The following CEP350 variants were observed in gnomAD, a reference collection of about 807,000 sequenced individuals.
CEP350 encodes centrosome-associated protein 350.
In CEP350, 126 loss-of-function variants were observed where a neutral mutation model predicts 331.8. The ratio of observed to expected loss-of-function variants is 0.38; its 90% CI spans 0.33 to 0.44. The LOEUF (loss-of-function observed/expected upper bound fraction) is 0.44, where lower values mean the gene tolerates loss of function less well. Among genes scored for constraint, CEP350 ranks in the 20% least tolerant of loss-of-function variants. CEP350 has a pLI of 1.00. For missense variants in CEP350, 3,406 were observed against 3,634.6 expected (o/e 0.94, Z 1.62); for synonymous variants, 1,200 against 1,259.5 (o/e 0.95, Z 1.00).
intron 1 of CEP350, among the ~76,000 whole-genome samples, chr1:179,961,711 T>C (rs924093886): frequency 1.3e-5 from 2 of 152,198 alleles, no homozygotes; most frequent in Non-Finnish European, 2.9e-5. Flanking sequence ...TAGATTTGGG[T>C]TGTGGGGGAT....
At chr1:179,991,707 G>GTGTGTGTGTATATATA (rs1385981536) in intron 4 of CEP350, among the ~76,000 whole-genome samples, 3 of 96,976 alleles carry the variant, frequency 3.1e-5, no homozygotes, top group Non-Finnish European at 6.1e-5. Flanking sequence ...GTGTGTGTGT[G>GTGTGTGTGTATATATA]TATATATATA....
chr1:180,077,515 A>G (rs1281593627), intron 28 of CEP350, among the ~76,000 whole-genome samples: 2 of 151,912 alleles, frequency 1.3e-5, no homozygotes, highest in Admixed American at 1.3e-4. Flanking sequence ...CTCTACAGAA[A>G]TATTAGCCGG....
intron 15 of CEP350, among the ~76,000 whole-genome samples, chr1:180,031,904 T>G (rs1656048200): frequency 6.6e-6 from 1 of 152,142 alleles, no homozygotes. Flanking sequence ...TACCACAAAC[T>G]ATCTCATTTC....
chr1:179,969,894 A>G (rs1651310115), intron 1 of CEP350, among the ~76,000 whole-genome samples: 1 of 152,226 alleles, frequency 6.6e-6, no homozygotes, highest in Admixed American at 6.5e-5. Flanking sequence ...GTATAAGGGA[A>G]AATTTTATAG....
intron 37 of CEP350, among the ~76,000 whole-genome samples, chr1:180,100,889 C>G (rs1257701205): frequency 1.3e-5 from 2 of 152,170 alleles, no homozygotes; most frequent in Admixed American, 6.5e-5. Flanking sequence ...TCCCATGATA[C>G]AATTACCTCC....
intron 6 of CEP350, chr1:180,000,771 A>G (rs1653810524): frequency 6.6e-6 from 1 of 152,668 alleles, no homozygotes; most frequent in African/African-American, 2.4e-5. Context: ...TTGATTGGTC[A>G]TGAACTTCCT....
chr1:180,026,240 C>G (rs1195606543), intron 14 of CEP350, among the ~76,000 whole-genome samples: 1 of 150,970 alleles, frequency 6.6e-6, no homozygotes, highest in Non-Finnish European at 1.5e-5. Context: ...CATTGCACTC[C>G]AGCCTGGGCG....
chr1:180,053,102 G>C lies in CEP350; in HGVS notation c.4925G>C (p.Arg1642Thr). The C allele has an allele frequency of 1.2e-6, 2 of 1,609,176 alleles. No homozygotes were observed. The highest frequency in any genetic ancestry group is 4.5e-5 in the East Asian group (2 of 44,598). ...SHRRFNMEKR[R>T]GHHDDSDEEA... ...CGCAGATTTAACATGGAAAAGAGAA[G>C]AGGTCATCATGATGACTCTGATGAA... Residue 1642 changes from arginine (R) to threonine (T), a missense_variant, in exon 23 of 38, where the codon AGA becomes ACA. Transcript: ENST00000367607.
chr1:180,052,359 TATC>T (rs1657564401), intron 22 of CEP350: 1 of 360,386 alleles, frequency 2.8e-6, no homozygotes, highest in East Asian at 8.2e-5. Context: ...GGTTTCTAAA[TATC>T]ATTCTTTAAT....
chr1:180,112,349 G>A lies in CEP350; in HGVS notation c.*1188G>A, dbSNP rs1262829459. 1 of 152,554 alleles carries A rather than the reference G, an allele frequency of 6.6e-6. No homozygotes were observed. Among genetic ancestry groups the A allele is most frequent in the Non-Finnish European group, 1.5e-5 (1 of 68,032 alleles). The allele number at this position is 152,554 out of a possible 1,614,324, so 9.5% of individuals were successfully genotyped here. On this transcript the variant is annotated 3_prime_UTR_variant, in exon 38 of 38. Coordinates refer to ENST00000367607, the MANE Select transcript of CEP350 (RefSeq NM_014810.5). ...AGTCATTTTAATTCAGTGAAACGAA[G>A]ATGGGCTTTTCCAGATCACCTGCAA...
chr1:179,994,456 C>CTTTT (rs532002663), intron 5 of CEP350, among the ~76,000 whole-genome samples: 21 of 135,990 alleles, frequency 1.5e-4, no homozygotes, highest in Middle Eastern at 3.6e-3. Flanking sequence ...TTCTTTCTTT[C>CTTTT]TTTTTTTTTT....
At chr1:180,011,876 A>C (rs1246594213) in intron 8 of CEP350, 53 bp from the exon 9 acceptor site, 1 of 1,243,596 alleles carries the variant, frequency 8.0e-7, no homozygotes, top group African/African-American at 1.5e-5. Context: ...GAGTAGATAC[A>C]CTTCTTACAA....
chr1:180,019,978 A>G lies in CEP350; in HGVS notation c.2204A>G (p.Gln735Arg). 6.2e-7 allele frequency: 1 copy of G among 1,610,174 alleles called. No homozygotes were observed. The highest frequency in any genetic ancestry group is 8.5e-7 in the Non-Finnish European group (1 of 1,178,320). Residue 735 changes from glutamine (Q) to arginine (R), a missense_variant, in exon 12 of 38, where the codon CAG becomes CGG. Physicochemically the swap from Gln to Arg is conservative, Grantham distance 43. Around this residue, in one of 5 missense-constraint regions of CEP350, gnomAD observed 1,857 missense variants for 1,909.2 expected, o/e 0.97. Transcript: ENST00000367607. ...RKDLMESTWM[Q>R]PERLSPQVHH... is the part of the protein sequence containing the mutation. Reference sequence around the variant, plus strand: ...GACTTGATGGAATCTACATGGATGCAGCCTGAAAGATTGAGCCCACAAGTT... The same window carrying G: ...GACTTGATGGAATCTACATGGATGCGGCCTGAAAGATTGAGCCCACAAGTT...
rs79978725 is a variant in CEP350 at position 179,975,045 on chromosome 1, A to G, written c.-13-11124A>G. Among the ~76,000 whole-genome samples the G allele has an allele frequency of 1.4e-4, 21 of 152,246 alleles. No homozygotes were observed. In the East Asian group the frequency reaches 3.7e-3, roughly 27 times the overall value. On this transcript the variant is annotated intron_variant, in intron 1 of 37. Transcript: ENST00000367607. Reference sequence around the variant, plus strand: ...ATGAAGAGAATACTATAGGAAACAGAGAAGTACTAATTGAAGTACTAATTT... The same window carrying G: ...ATGAAGAGAATACTATAGGAAACAGGGAAGTACTAATTGAAGTACTAATTT...
chr1:180,024,705 A>G, intron 14 of CEP350, 123 bp downstream of exon 14: 2 of 1,092,028 alleles, frequency 1.8e-6, no homozygotes, highest in Non-Finnish European at 2.5e-6. Flanking sequence ...ATTAGCTTTC[A>G]TATTTATTTA....
chr1:180,098,646 G>C (rs964713475), intron 36 of CEP350, among the ~76,000 whole-genome samples: 1 of 152,142 alleles, frequency 6.6e-6, no homozygotes, highest in African/African-American at 2.4e-5. Context: ...GCCCAGCTAG[G>C]TTTTACTTTT....
intron 1 of CEP350, among the ~76,000 whole-genome samples, chr1:179,962,598 T>TG (rs1167138823): frequency 6.6e-6 from 1 of 151,998 alleles, no homozygotes; most frequent in African/African-American, 2.4e-5. Flanking sequence ...TTAGTAGAGA[T>TG]GGAGTTTCAC....
At chr1:179,986,897 C>A (rs141802140) in intron 2 of CEP350, among the ~76,000 whole-genome samples, 4 of 152,200 alleles carry the variant, frequency 2.6e-5, no homozygotes, top group Non-Finnish European at 5.9e-5. Flanking sequence ...TTATAAGATA[C>A]AGTACAATAT....
chr1:180,062,496 G>A lies in CEP350; in HGVS notation c.5409+130G>A, dbSNP rs181730083. The A allele has an allele frequency of 1.3e-4, 154 of 1,193,910 alleles. 5 individuals carry two copies. In the South Asian group the frequency reaches 2.6e-3, roughly 20 times the overall value. The allele number at this position is 1,193,910 out of a possible 1,614,324, so 74.0% of individuals were successfully genotyped here. A position where few individuals can be genotyped will look rare whatever the true frequency, so the allele number is the denominator to read the frequency against. The stretch of plus-strand genomic sequence containing the variant: ...ATAATGAACTAGGATAAAGTTCTAT[G>A]GATGGGCCAGTCTTAGTCCATTTTC... On this transcript the variant is annotated intron_variant, in intron 26 of 37. Coordinates refer to ENST00000367607, the MANE Select transcript of CEP350 (RefSeq NM_014810.5).
Sources: gnomAD v4.1 joint callset for allele counts (sites outside exome capture counted in the v4.1 genomes callset) on GRCh38, gnomAD v4.1.1 for gene constraint, gnomAD v4.1.1 regional missense constraint, MANE v1.5 for transcripts, NCBI Gene and HGNC (gene_info 2026-07-23, HGNC 2026-07-21) for gene names.